The following PITPNC1 variants were observed in gnomAD, a reference collection of about 807,000 sequenced individuals.
PITPNC1 encodes cytoplasmic phosphatidylinositol transfer protein 1.
PITPNC1 carries 18 observed loss-of-function variants against 44.7 expected under a neutral mutation model. The ratio of observed to expected loss-of-function variants is 0.40; its 90% CI spans 0.28 to 0.60. The LOEUF (loss-of-function observed/expected upper bound fraction) is 0.60. Ranked by LOEUF, PITPNC1 falls within the 20% of genes least tolerant of loss-of-function variation. The pLI, the probability that PITPNC1 is intolerant of heterozygous loss-of-function variation, is 0.39. For synonymous variants in PITPNC1, 141 were observed against 149.6 expected, an observed-to-expected ratio of 0.94 and a Z score of 0.42; for missense variants, 290 against 418.4, an observed-to-expected ratio of 0.69 and a Z score of 2.68.
intron 4 of PITPNC1, among the ~76,000 whole-genome samples, chr17:67,554,495 C>T (rs565860369): frequency 2.0e-5 from 3 of 152,156 alleles, no homozygotes; most frequent in South Asian, 2.1e-4. Flanking sequence ...TGACCTTAGG[C>T]GATCCGCCCA....
chr17:67,624,616 T>C (rs1314217500), intron 5 of PITPNC1, among the ~76,000 whole-genome samples: 1 of 152,172 alleles, frequency 6.6e-6, no homozygotes. Context: ...CTCTGCCTTC[T>C]GGATTTAAGT....
At chr17:67,576,382 G>T (rs1396476729) in intron 4 of PITPNC1, among the ~76,000 whole-genome samples, 2 of 152,154 alleles carry the variant, frequency 1.3e-5, no homozygotes, top group African/African-American at 2.4e-5. Flanking sequence ...TCCTTCACGG[G>T]ATTGTTGCCA....
intron 1 of PITPNC1, among the ~76,000 whole-genome samples, chr17:67,493,265 T>A (rs1248066877): frequency 6.6e-6 from 1 of 152,186 alleles, no homozygotes; most frequent in African/African-American, 2.4e-5. Context: ...AAGAGCCCAT[T>A]ACAGGGCTGG....
chr17:67,436,912 T>TG (rs1567989270), intron 1 of PITPNC1, among the ~76,000 whole-genome samples: 9 of 118,104 alleles, frequency 7.6e-5, no homozygotes, highest in African/African-American at 2.0e-4. Flanking sequence ...AGGGGTGTTT[T>TG]TTTTTTTTTT....
chr17:67,572,474 G>GT (rs1175151463), intron 4 of PITPNC1, among the ~76,000 whole-genome samples: 2 of 116,484 alleles, frequency 1.7e-5, no homozygotes, highest in East Asian at 3.3e-4. Context: ...AAAGCGGGGG[G>GT]GGGGGGTAAA....
At chr17:67,458,266 C>A (rs1052851799) in intron 1 of PITPNC1, among the ~76,000 whole-genome samples, 2 of 152,112 alleles carry the variant, frequency 1.3e-5, no homozygotes, top group African/African-American at 4.8e-5. Flanking sequence ...CTTGGAGGAC[C>A]CAAACTAACA....
intron 5 of PITPNC1, among the ~76,000 whole-genome samples, chr17:67,623,366 ATTTTC>A (rs555642155): frequency 1.5e-4 from 23 of 151,854 alleles, no homozygotes; most frequent in East Asian, 3.9e-4. Context: ...AGGATAATAG[ATTTTC>A]TTTTCTTTTC....
In PITPNC1 at chr17:67,645,019, TC is replaced by T. The variant is rs550799891; in HGVS notation, c.462+12782del. Among the ~76,000 whole-genome samples, 44 of 152,254 alleles carry T rather than the reference TC, an allele frequency of 2.9e-4. No homozygotes were observed. In the East Asian group the frequency reaches 8.1e-3, roughly 28 times the overall value. On this transcript the variant is annotated intron_variant, in intron 6 of 8. Coordinates refer to ENST00000581322, the MANE Select transcript of PITPNC1 (RefSeq NM_012417.4). ...AATGGCCTCAGAGCAGAGCTTCCCA[TC>T]TTTTTTCATGCCTTGACAGGTAGGA...
chr17:67,464,999 A>G (rs2039403099), intron 1 of PITPNC1, among the ~76,000 whole-genome samples: 1 of 152,214 alleles, frequency 6.6e-6, no homozygotes, highest in Non-Finnish European at 1.5e-5. Context: ...TTGGTCTCCC[A>G]AAGTGCTGGG....
chr17:67,384,661 G>A (rs1246885898), intron 1 of PITPNC1, among the ~76,000 whole-genome samples: 3 of 152,134 alleles, frequency 2.0e-5, no homozygotes, highest in Non-Finnish European at 4.4e-5. Context: ...TCCTGACCTC[G>A]TGATCTGCCC....
At chr17:67,425,191 G>GCACA (rs1567984580) in intron 1 of PITPNC1, among the ~76,000 whole-genome samples, 24 of 38,622 alleles carry the variant, frequency 6.2e-4, no homozygotes, top group Admixed American at 4.3e-3. Flanking sequence ...TGTTGTGCGC[G>GCACA]CGCACGCACA....
At chr17:67,645,633 C>T (rs776077489) in intron 6 of PITPNC1, among the ~76,000 whole-genome samples, 2 of 152,124 alleles carry the variant, frequency 1.3e-5, no homozygotes, top group African/African-American at 4.8e-5. Context: ...GCCCATTCCC[C>T]GATTGTGAGA....
At chr17:67,681,688 A>T (rs1004670976) in intron 8 of PITPNC1, among the ~76,000 whole-genome samples, 9 of 151,974 alleles carry the variant, frequency 5.9e-5, no homozygotes, top group Non-Finnish European at 1.3e-4. Context: ...ATAGAAGAAG[A>T]AATACAAATA....
chr17:67,564,194 TG>T (rs1438873990), intron 4 of PITPNC1, among the ~76,000 whole-genome samples: 2 of 151,662 alleles, frequency 1.3e-5, no homozygotes, highest in Non-Finnish European at 2.9e-5. Context: ...GATGGATGGA[TG>T]GATGGATGAG....
At chr17:67,621,273 T>C (rs1451542614) in intron 5 of PITPNC1, among the ~76,000 whole-genome samples, 6 of 150,666 alleles carry the variant, frequency 4.0e-5, no homozygotes, top group African/African-American at 1.5e-4. Flanking sequence ...AATGGCGCGA[T>C]CTCAGGTCAC....
intron 6 of PITPNC1, among the ~76,000 whole-genome samples, chr17:67,660,518 TTTTATTTA>T (rs1007987447): frequency 7.2e-5 from 10 of 139,380 alleles, no homozygotes; most frequent in Non-Finnish European, 1.4e-4. Flanking sequence ...TTTTATTTTA[TTTTATTTA>T]TTTATTTATT....
intron 5 of PITPNC1, among the ~76,000 whole-genome samples, chr17:67,581,238 A>C (rs1184579023): frequency 6.6e-6 from 1 of 152,258 alleles, no homozygotes; most frequent in Non-Finnish European, 1.5e-5. Context: ...AATTTAAAAT[A>C]ACAGGTTATC....
At chr17:67,428,506 C>T (rs1437448788) in intron 1 of PITPNC1, among the ~76,000 whole-genome samples, 1 of 149,970 alleles carries the variant, frequency 6.7e-6, no homozygotes, top group Non-Finnish European at 1.5e-5. Flanking sequence ...GCACTTCAGC[C>T]TGGGCAACAG....
chr17:67,534,458 C>T (rs978209790), intron 2 of PITPNC1, among the ~76,000 whole-genome samples: 1 of 151,722 alleles, frequency 6.6e-6, no homozygotes, highest in Non-Finnish European at 1.5e-5. Flanking sequence ...GGTAACATGG[C>T]GAAACCCCAT....
Sources: gnomAD v4.1 joint callset for allele counts (sites outside exome capture counted in the v4.1 genomes callset) on GRCh38, gnomAD v4.1.1 for gene constraint, MANE v1.5 for transcripts, NCBI Gene and HGNC (gene_info 2026-07-23, HGNC 2026-07-21) for gene names.